The following RAB19 variants were observed in gnomAD, a reference collection of about 807,000 sequenced individuals.
RAB19 encodes RAB19, member RAS oncogene family, also known as ras-related protein Rab-19.
In RAB19, 21 loss-of-function variants were observed where a neutral mutation model predicts 17.3. That is an observed-to-expected ratio of 1.21 (90% confidence interval 0.86 to 1.74). The LOEUF (loss-of-function observed/expected upper bound fraction) is 1.74, where lower values mean the gene tolerates loss of function less well. Ranked by LOEUF, RAB19 falls within the 40% of genes most tolerant of loss-of-function variation. RAB19 has a pLI of 0.00. For missense variants in RAB19, 277 were observed against 286.8 expected, an observed-to-expected ratio of 0.97 and a Z score of 0.25; for synonymous variants, 126 against 110.4, an observed-to-expected ratio of 1.14 and a Z score of -0.88.
intron 3 of RAB19, among the ~76,000 whole-genome samples, chr7:140,424,647 GTGTATATA>G (rs1799628801): frequency 1.6e-5 from 2 of 127,476 alleles, no homozygotes; most frequent in African/African-American, 7.1e-5. Context: ...ATATGTGTGT[GTGTATATA>G]TGTGTGTGTA....
chr7:140,409,122 G>A (rs367617813), intron 2 of RAB19, among the ~76,000 whole-genome samples: 12 of 151,562 alleles, frequency 7.9e-5, no homozygotes, highest in African/African-American at 1.9e-4. Context: ...CCAGCACTTC[G>A]GGAGGCCGAG....
At chr7:140,415,900 G>T (rs1799448485) in intron 3 of RAB19, among the ~76,000 whole-genome samples, 1 of 150,596 alleles carries the variant, frequency 6.6e-6, no homozygotes, top group Non-Finnish European at 1.5e-5. Flanking sequence ...GCAAGACTCT[G>T]TCTCAAAAAA....
chr7:140,409,670 C>A (rs1031965816), intron 2 of RAB19, among the ~76,000 whole-genome samples: 1 of 151,796 alleles, frequency 6.6e-6, no homozygotes, highest in Non-Finnish European at 1.5e-5. Context: ...TGCACTCCAG[C>A]CTGGGAGTCA....
At chr7:140,424,698 T>TATAC (rs992153684) in intron 3 of RAB19, among the ~76,000 whole-genome samples, 4 of 147,864 alleles carry the variant, frequency 2.7e-5, no homozygotes, top group Non-Finnish European at 5.9e-5. Context: ...TATCTATATA[T>TATAC]ACATATATAA....
At position 140,426,717 on chromosome 7, in the gene RAB19, C is replaced by T. The variant is rs1187151132; in HGVS notation, c.*567C>T. On this transcript the variant is annotated 3_prime_UTR_variant, in exon 4 of 4. Transcript: ENST00000537763. ...CCTTTTAGCAGAAATACCAGAAGTA[C>T]CATCTTGCCAAATGGTCAGGAACTG... is the stretch of plus-strand genomic sequence containing the variant. 6.6e-6 allele frequency among the ~76,000 whole-genome samples: 1 copy of T among 152,098 alleles called. No individual in the cohort carries two copies. The highest frequency in any genetic ancestry group is 2.4e-5 in the African/African-American group (1 of 41,424).
At chr7:140,417,201 A>C (rs6464767) in intron 3 of RAB19, among the ~76,000 whole-genome samples, 82,967 of 148,064 alleles carry the variant, frequency 0.56, 23,443 homozygotes, top group East Asian at 0.69. Flanking sequence ...GCACCACTGC[A>C]CTCCAGCCTG....
chr7:140,415,168 G>A lies in RAB19; in HGVS notation c.385+3111G>A, dbSNP rs182625536. 6.6e-3 allele frequency among the ~76,000 whole-genome samples: 992 copies of A among 151,384 alleles called. 13 individuals are homozygous for A. Among genetic ancestry groups the A allele is most frequent in the African/African-American group, 0.023 (939 of 41,294 alleles). On this transcript the variant is annotated intron_variant, in intron 3 of 3. Transcript: ENST00000537763. ...CGGCTCACTGCAACCTCCACCACCC[G>A]GGTTCAAGTGATTCTCCTGTCTCAG...
At chr7:140,415,980 G>A (rs1224979468) in intron 3 of RAB19, among the ~76,000 whole-genome samples, 1 of 151,892 alleles carries the variant, frequency 6.6e-6, no homozygotes, top group Non-Finnish European at 1.5e-5. Context: ...CTGAGGTGGG[G>A]GGTTGCTTAA....
rs1799446220 is a variant in RAB19, at chr7:140,415,804, C to T, written c.385+3747C>T. On this transcript the variant is annotated intron_variant, in intron 3 of 3. Coordinates refer to ENST00000537763, the MANE Select transcript of RAB19 (RefSeq NM_001008749.3). ...CCTGGAGTCCCAGCTACTCAGGAGG[C>T]TGAGGCAGGAGACTTGCTTGAACCC... Among the ~76,000 whole-genome samples the T allele has an allele frequency of 2.0e-5, 3 of 151,570 alleles. No individual in the cohort carries two copies. In the South Asian group the frequency reaches 6.2e-4, roughly 31 times the overall value.
chr7:140,417,623 C>T (rs1273066669), intron 3 of RAB19, among the ~76,000 whole-genome samples: 1 of 152,152 alleles, frequency 6.6e-6, no homozygotes, highest in Non-Finnish European at 1.5e-5. Flanking sequence ...CTTCCTGTGG[C>T]TGCTGTAACC....
chr7:140,424,057 G>A (rs895727805), intron 3 of RAB19, among the ~76,000 whole-genome samples: 1 of 151,740 alleles, frequency 6.6e-6, no homozygotes, highest in African/African-American at 2.4e-5. Flanking sequence ...GTTTCACCAT[G>A]TTGGCTGGGA....
rs1313049398 is a variant in RAB19 at position 140,425,863 on chromosome 7, G to T, written c.386-19G>T. 5.6e-6 allele frequency: 9 copies of T among 1,595,840 alleles called. No individual in the cohort carries two copies. The highest frequency in any genetic ancestry group is 7.7e-6 in the Non-Finnish European group (9 of 1,169,992). ...GATTAAGTTACTCAATGGAATATCG[G>T]CTTATCTTTTCCTTCCAGGAAATAA... On this transcript the variant is annotated intron_variant, in intron 3 of 3. Transcript: ENST00000537763.
At chr7:140,411,722 G>A (rs909234777) in intron 2 of RAB19, 152 bp from the exon 3 acceptor site, 11 of 1,498,194 alleles carry the variant, frequency 7.3e-6, no homozygotes, top group Non-Finnish European at 9.8e-6. Context: ...GCAACTGAAA[G>A]AATAGATCCC....
chr7:140,422,558 A>G (rs1398133299), intron 3 of RAB19, among the ~76,000 whole-genome samples: 1 of 151,824 alleles, frequency 6.6e-6, no homozygotes, highest in Non-Finnish European at 1.5e-5. Context: ...GGCCCTCCAA[A>G]GGGCCATACA....
intron 2 of RAB19, among the ~76,000 whole-genome samples, chr7:140,410,231 C>G (rs1211253129): frequency 6.7e-6 from 1 of 149,874 alleles, no homozygotes; most frequent in African/African-American, 2.4e-5. Context: ...TTCCTGTGCT[C>G]AAGGAATCCT....
In RAB19 at chr7:140,414,418, G is replaced by A. The variant is rs568435407; in HGVS notation, c.385+2361G>A. 3.7e-4 allele frequency among the ~76,000 whole-genome samples: 57 copies of A among 152,246 alleles called. 3 individuals carry two copies. The highest frequency in any genetic ancestry group is 1.2e-3 in the Admixed American group (19 of 15,276). On this transcript the variant is annotated intron_variant, in intron 3 of 3. Coordinates refer to ENST00000537763, the MANE Select transcript of RAB19 (RefSeq NM_001008749.3). ...AGCTGCCTCTCCCCCAGCCAGCTCC[G>A]TCTTTAATCACTCTGTGAAACAGAT...
chr7:140,409,407 A>G (rs1249530326), intron 2 of RAB19, among the ~76,000 whole-genome samples: 1 of 148,742 alleles, frequency 6.7e-6, no homozygotes, highest in African/African-American at 2.5e-5. Context: ...CAAAAATGCC[A>G]TAAACTGCCA....
chr7:140,423,590 A>G (rs1799599818), intron 3 of RAB19, among the ~76,000 whole-genome samples: 1 of 152,218 alleles, frequency 6.6e-6, no homozygotes, highest in Non-Finnish European at 1.5e-5. Context: ...AAAAAAGACA[A>G]TCTCAAAAGG....
intron 2 of RAB19, among the ~76,000 whole-genome samples, chr7:140,409,121 C>G (rs987807826): frequency 5.9e-5 from 9 of 151,576 alleles, no homozygotes; most frequent in African/African-American, 2.2e-4. Flanking sequence ...CCCAGCACTT[C>G]GGGAGGCCGA....
Sources: allele counts gnomAD v4.1 joint callset (sites outside exome capture counted in the v4.1 genomes callset), GRCh38; gene constraint gnomAD v4.1.1; transcripts MANE v1.5; gene names NCBI Gene and HGNC (gene_info 2026-07-23, HGNC 2026-07-21).